The following PTPRD variants were observed in gnomAD, a reference collection of about 807,000 sequenced individuals.
PTPRD encodes the protein receptor-type tyrosine-protein phosphatase delta.
PTPRD carries 34 observed loss-of-function variants against 214.5 expected under a neutral mutation model. That is an observed-to-expected ratio of 0.16 (90% CI 0.12 to 0.21). The LOEUF (loss-of-function observed/expected upper bound fraction) is 0.21, where lower values mean the gene tolerates loss of function less well. Among genes scored for constraint, PTPRD ranks in the 10% least tolerant of loss-of-function variants. The pLI, the probability that PTPRD is intolerant of heterozygous loss-of-function variation, is 1.00. For synonymous variants in PTPRD, 1,128 were observed against 845.7 expected, an observed-to-expected ratio of 1.33 and a Z score of -5.79; for missense variants, 2,545 against 2,398.7, an observed-to-expected ratio of 1.06 and a Z score of -1.27.
At chr9:9,944,451 G>C (rs557807062) in intron 4 of PTPRD, among the ~76,000 whole-genome samples, 1 of 152,090 alleles carries the variant, frequency 6.6e-6, no homozygotes, top group Non-Finnish European at 1.5e-5. Flanking sequence ...TTCTCCATAT[G>C]AAGCTTTAAT....
chr9:9,043,904 AAAAATAAAATAAAAT>A lies in PTPRD; in HGVS notation c.-142-25184_-142-25170del, dbSNP rs34743506. ...GGGTGACAGAGTGAGACCCTGTCTC[AAAAATAAAATAAAAT>A]AAAATAAAATAAAATAAAATAAAAT... On this transcript the variant is annotated intron_variant, in intron 10 of 45. Coordinates refer to ENST00000381196, the MANE Select transcript of PTPRD (RefSeq NM_002839.4). Among the ~76,000 whole-genome samples the A allele has an allele frequency of 3.9e-3, 531 of 137,434 alleles. 4 individuals are homozygous for A. The highest frequency in any genetic ancestry group is 6.5e-3 in the African/African-American group (240 of 36,992). 90.2% of individuals were successfully genotyped at this position (137,434 alleles called of 152,430 possible). A position where few individuals can be genotyped will look rare whatever the true frequency, so the allele number is the denominator to read the frequency against.
intron 39 of PTPRD, among the ~76,000 whole-genome samples, chr9:8,366,394 G>T (rs1373432269): frequency 2.6e-5 from 4 of 152,112 alleles, no homozygotes; most frequent in Non-Finnish European, 5.9e-5. Context: ...GAAGAATTTT[G>T]GGGGGAAGTG....
At chr9:10,590,633 T>C (rs2075198137) in intron 2 of PTPRD, among the ~76,000 whole-genome samples, 3 of 152,128 alleles carry the variant, frequency 2.0e-5, no homozygotes, top group Middle Eastern at 6.8e-3. Context: ...CATTCTTGAG[T>C]GTATCAGTAG....
intron 11 of PTPRD, among the ~76,000 whole-genome samples, chr9:8,803,262 G>A (rs1301142223): frequency 6.6e-6 from 1 of 152,016 alleles, no homozygotes; most frequent in Non-Finnish European, 1.5e-5. Context: ...TCTCTGATCT[G>A]AGCAAATGTA....
chr9:9,019,320 G>GAAAGAA (rs923922418), intron 10 of PTPRD, among the ~76,000 whole-genome samples: 2 of 86,292 alleles, frequency 2.3e-5, no homozygotes, highest in East Asian at 6.6e-4. Context: ...AAGAAAGAAA[G>GAAAGAA]AAAGAAAGAA....
chr9:9,100,918 A>C (rs928274283), intron 10 of PTPRD, among the ~76,000 whole-genome samples: 1 of 152,174 alleles, frequency 6.6e-6, no homozygotes, highest in African/African-American at 2.4e-5. Context: ...TTGATTGCTT[A>C]AGAATTTATA....
chr9:9,654,982 T>C (rs2096469799), intron 7 of PTPRD, among the ~76,000 whole-genome samples: 2 of 150,756 alleles, frequency 1.3e-5, no homozygotes, highest in African/African-American at 4.9e-5. Context: ...AAATATTTTT[T>C]AAACTGAAGC....
intron 9 of PTPRD, among the ~76,000 whole-genome samples, chr9:9,192,253 AAAGTGTTGGG>A (rs1490926590): frequency 2.0e-5 from 3 of 152,062 alleles, no homozygotes; most frequent in African/African-American, 7.2e-5. Flanking sequence ...AAAAAATTAT[AAAGTGTTGGG>A]AGAAAGCAGG....
chr9:9,486,634 T>C (rs2095650116), intron 8 of PTPRD, among the ~76,000 whole-genome samples: 1 of 152,160 alleles, frequency 6.6e-6, no homozygotes, highest in South Asian at 2.1e-4. Flanking sequence ...CTTCAAACCA[T>C]ATTCCGTCTA....
intron 9 of PTPRD, among the ~76,000 whole-genome samples, chr9:9,384,290 C>T (rs1052154394): frequency 3.2e-5 from 4 of 126,640 alleles, no homozygotes; most frequent in East Asian, 2.5e-4. Context: ...GTGCAGTTTA[C>T]GTCAGGTATA....
In PTPRD at chr9:8,946,364, G is replaced by T. The variant is rs143976370; in HGVS notation, c.-104+72333C>A. Among the ~76,000 whole-genome samples, 884 of 152,210 alleles carry T rather than the reference G, an allele frequency of 5.8e-3. 5 individuals are homozygous for T. The highest frequency in any genetic ancestry group is 0.012 in the Admixed American group (178 of 15,278). On this transcript the variant is annotated intron_variant, in intron 11 of 45. Coordinates refer to ENST00000381196, the MANE Select transcript of PTPRD (RefSeq NM_002839.4). ...AAGGAGGCAGCAGTATATAGGTTTC[G>T]AGGGTTTTGTTGGAGTACTGGCTCT...
chr9:9,392,428 G>A (rs2066184901), intron 9 of PTPRD, among the ~76,000 whole-genome samples: 1 of 152,068 alleles, frequency 6.6e-6, no homozygotes, highest in Non-Finnish European at 1.5e-5. Context: ...TTTGGGTTTG[G>A]TCTTGAGGAT....
chr9:8,620,599 C>T (rs746474592), intron 14 of PTPRD, among the ~76,000 whole-genome samples: 38 of 151,826 alleles, frequency 2.5e-4, no homozygotes, highest in Admixed American at 2.6e-4. Flanking sequence ...CAGGTACAGT[C>T]CAGTTAATGG....
intron 9 of PTPRD, among the ~76,000 whole-genome samples, chr9:9,332,985 A>T (rs1337669339): frequency 6.6e-6 from 1 of 152,026 alleles, no homozygotes; most frequent in East Asian, 1.9e-4. Context: ...TGATTGTTAG[A>T]TATTTTTGTA....
chr9:9,350,833 G>C (rs540260079), intron 9 of PTPRD, among the ~76,000 whole-genome samples: 3 of 151,942 alleles, frequency 2.0e-5, no homozygotes, highest in Non-Finnish European at 4.4e-5. Flanking sequence ...AGTAGTAAAA[G>C]GAAAATATTC....
intron 2 of PTPRD, among the ~76,000 whole-genome samples, chr9:10,420,556 G>C (rs952312563): frequency 6.7e-6 from 1 of 148,488 alleles, no homozygotes; most frequent in African/African-American, 2.6e-5. Context: ...TACAAACGAC[G>C]GGGGGGCTGA....
intron 10 of PTPRD, among the ~76,000 whole-genome samples, chr9:9,095,478 A>G (rs2154434527): frequency 6.6e-6 from 1 of 152,306 alleles, no homozygotes; most frequent in East Asian, 1.9e-4. Context: ...TGGAATCAAC[A>G]CATTTGTAGT....
At chr9:9,957,880 T>G in intron 4 of PTPRD, among the ~76,000 whole-genome samples, 1 of 148,122 alleles carries the variant, frequency 6.8e-6, no homozygotes, top group East Asian at 2.0e-4. Flanking sequence ...TAAGACAGGG[T>G]GAGAAAAAAA....
At chr9:9,703,380 A>G (rs959192830) in intron 7 of PTPRD, among the ~76,000 whole-genome samples, 1 of 152,176 alleles carries the variant, frequency 6.6e-6, no homozygotes, top group African/African-American at 2.4e-5. Context: ...AACTTTTATG[A>G]TACTCTAAAT....
Sources: allele counts gnomAD v4.1 joint callset (sites outside exome capture counted in the v4.1 genomes callset), GRCh38; gene constraint gnomAD v4.1.1; transcripts MANE v1.5; gene names NCBI Gene and HGNC (gene_info 2026-07-23, HGNC 2026-07-21).